The following CACNA2D1 variants were observed in gnomAD, a reference collection of about 807,000 sequenced individuals.
The protein encoded by CACNA2D1 is voltage-dependent calcium channel subunit alpha-2/delta-1.
CACNA2D1 carries 53 observed loss-of-function variants against 171.5 expected under a neutral mutation model. The ratio of observed to expected loss-of-function variants is 0.31; its 90% CI spans 0.25 to 0.39. The LOEUF (loss-of-function observed/expected upper bound fraction) is 0.39, where lower values mean the gene tolerates loss of function less well. CACNA2D1 is among the 10% of genes least tolerant of loss of function. CACNA2D1 has a pLI of 1.00. For synonymous variants in CACNA2D1, 442 were observed against 443.1 expected (o/e 1.00, Z 0.03); for missense variants, 903 against 1,299.8 (o/e 0.69, Z 4.69).
intron 4 of CACNA2D1, among the ~76,000 whole-genome samples, chr7:82,160,222 C>T (rs1794809601): frequency 6.6e-6 from 1 of 151,820 alleles, no homozygotes; most frequent in South Asian, 2.1e-4. Flanking sequence ...TTAGCCAGGG[C>T]AACCTTCAAG....
chr7:82,120,566 C>T (rs1016425039), intron 5 of CACNA2D1, among the ~76,000 whole-genome samples: 9 of 150,904 alleles, frequency 6.0e-5, no homozygotes, highest in Non-Finnish European at 1.3e-4. Flanking sequence ...GATACTGGAT[C>T]AACACTATGG....
intron 3 of CACNA2D1, among the ~76,000 whole-genome samples, chr7:82,242,141 G>A (rs1295735978): frequency 6.6e-6 from 1 of 152,082 alleles, no homozygotes; most frequent in Non-Finnish European, 1.5e-5. Context: ...TTAGGTTAGG[G>A]ATTAGTTGAC....
rs144257893 is a variant in CACNA2D1, at chr7:82,324,315, G to A, written c.294+10820C>T. 7.7e-3 allele frequency among the ~76,000 whole-genome samples: 1,124 copies of A among 146,572 alleles called. 18 individuals are homozygous for A. The highest frequency in any genetic ancestry group is 0.026 in the African/African-American group (1,018 of 39,578). On this transcript the variant is annotated intron_variant, in intron 3 of 38. Coordinates refer to ENST00000356860, the MANE Select transcript of CACNA2D1 (RefSeq NM_000722.4). ...GGAGTTTGCAGTGAGCCAAGATCGCGCCATTACACTCCAGCCTGGGCAACA... is the reference window on the plus strand; with the variant it reads ...GGAGTTTGCAGTGAGCCAAGATCGCACCATTACACTCCAGCCTGGGCAACA...
intron 30 of CACNA2D1, among the ~76,000 whole-genome samples, 152 bp downstream of exon 30, chr7:81,967,443 CA>C (rs1253618110): frequency 1.3e-5 from 2 of 151,122 alleles, no homozygotes; most frequent in Non-Finnish European, 3.0e-5. Context: ...CTAATTTAAA[CA>C]AAAAAAGCTT....
intron 7 of CACNA2D1, among the ~76,000 whole-genome samples, chr7:82,076,704 C>A (rs1320522085): frequency 6.6e-6 from 1 of 152,074 alleles, no homozygotes; most frequent in Non-Finnish European, 1.5e-5. Flanking sequence ...CATTACAGTG[C>A]CCAAAATGTT....
chr7:82,191,011 A>G (rs1305569145), intron 3 of CACNA2D1, among the ~76,000 whole-genome samples: 1 of 151,718 alleles, frequency 6.6e-6, no homozygotes, highest in Non-Finnish European at 1.5e-5. Context: ...GGGGGCAATA[A>G]TAAACACTAT....
intron 3 of CACNA2D1, among the ~76,000 whole-genome samples, chr7:82,184,187 T>G (rs1012069216): frequency 7.8e-6 from 1 of 127,954 alleles, no homozygotes; most frequent in Non-Finnish European, 1.7e-5. Context: ...TTTTTTTTTT[T>G]GTTAATACAT....
chr7:82,150,857 G>A (rs1563124182), intron 4 of CACNA2D1, among the ~76,000 whole-genome samples: 1 of 151,592 alleles, frequency 6.6e-6, no homozygotes, highest in Non-Finnish European at 1.5e-5. Context: ...GTTGCAGAAG[G>A]AAAAAAAATG....
intron 1 of CACNA2D1, among the ~76,000 whole-genome samples, chr7:82,372,957 G>A (rs1190070604): frequency 6.6e-6 from 1 of 152,200 alleles, no homozygotes; most frequent in Non-Finnish European, 1.5e-5. Flanking sequence ...AGCCAAGGCA[G>A]GCGGATCACT....
chr7:82,119,180 A>C (rs571722249), intron 5 of CACNA2D1, among the ~76,000 whole-genome samples: 5 of 152,298 alleles, frequency 3.3e-5, no homozygotes, highest in South Asian at 2.1e-4. Context: ...ACAAGAAAGA[A>C]CATCTATGTC....
chr7:82,386,049 A>T (rs1365956731), intron 1 of CACNA2D1, among the ~76,000 whole-genome samples: 3 of 152,114 alleles, frequency 2.0e-5, no homozygotes, highest in African/African-American at 7.2e-5. Context: ...ACTGAACTAG[A>T]ATTTTTTTCA....
intron 3 of CACNA2D1, among the ~76,000 whole-genome samples, chr7:82,268,719 T>C (rs1292798662): frequency 1.2e-5 from 1 of 84,618 alleles, no homozygotes; most frequent in African/African-American, 6.3e-5. Flanking sequence ...GAGAGATACC[T>C]GAGACCAAAA....
intron 24 of CACNA2D1, among the ~76,000 whole-genome samples, chr7:81,975,716 G>A (rs911318806): frequency 6.6e-6 from 1 of 152,052 alleles, no homozygotes; most frequent in Admixed American, 6.6e-5. Context: ...AATGAGTTGT[G>A]TACAACTTCC....
rs557748451 is a variant in CACNA2D1 at position 82,001,198 on chromosome 7, T to A, written c.1591-3948A>T. Among the ~76,000 whole-genome samples, 4 of 152,294 alleles carry A rather than the reference T, an allele frequency of 2.6e-5. No homozygotes were observed. In the East Asian group the frequency reaches 7.7e-4, roughly 29 times the overall value. Reference sequence around the variant, plus strand: ...GCACTTTGGTACATTTTTAATTAGCTAAGGGAAACTTCTTTAACTTCTAAC... The same window carrying A: ...GCACTTTGGTACATTTTTAATTAGCAAAGGGAAACTTCTTTAACTTCTAAC... On this transcript the variant is annotated intron_variant, in intron 18 of 38. Coordinates refer to ENST00000356860, the MANE Select transcript of CACNA2D1 (RefSeq NM_000722.4).
intron 16 of CACNA2D1, 55 bp downstream of exon 16, chr7:82,007,624 T>C: frequency 1.1e-6 from 1 of 931,246 alleles, no homozygotes; most frequent in Non-Finnish European, 1.7e-6. Flanking sequence ...CATGTTGAGC[T>C]TCAACGTCAC....
intron 4 of CACNA2D1, among the ~76,000 whole-genome samples, chr7:82,166,809 C>A (rs1022463427): frequency 1.3e-5 from 2 of 151,976 alleles, no homozygotes; most frequent in Admixed American, 6.6e-5. Flanking sequence ...AATCTTAATC[C>A]ATTTAGGGTG....
chr7:82,170,476 T>C (rs1584988695), intron 4 of CACNA2D1, 74 bp downstream of exon 4: 1 of 989,626 alleles, frequency 1.0e-6, no homozygotes, highest in East Asian at 2.4e-5. Context: ...TTAAAATATA[T>C]TTTAATATGC....
At chr7:82,028,278 C>T (rs1354771942) in intron 12 of CACNA2D1, 3 of 151,744 alleles carry the variant, frequency 2.0e-5, no homozygotes, top group Admixed American at 1.3e-4. Context: ...GATGACAGCA[C>T]ATCTGTTTAC....
At chr7:82,109,640 A>G (rs1788141798) in intron 6 of CACNA2D1, among the ~76,000 whole-genome samples, 1 of 152,242 alleles carries the variant, frequency 6.6e-6, no homozygotes, top group Admixed American at 6.5e-5. Flanking sequence ...ACTGTTGTTC[A>G]TGAAACAAGT....
Sources: gnomAD v4.1 joint callset for allele counts (sites outside exome capture counted in the v4.1 genomes callset) on GRCh38, gnomAD v4.1.1 for gene constraint, MANE v1.5 for transcripts, NCBI Gene and HGNC (gene_info 2026-07-23, HGNC 2026-07-21) for gene names.